The following ARL10 variants were observed in gnomAD, a reference collection of about 807,000 sequenced individuals.
ARL10 encodes ARF like GTPase 10, also known as ADP-ribosylation factor-like protein 10.
A neutral mutation model predicts 26.1 loss-of-function variants in ARL10; 23 were observed. The observed-to-expected ratio is 0.88, with a 90% CI of 0.63 to 1.25. The LOEUF is 1.25. ARL10 is among the 50% of genes most tolerant of loss of function. The pLI is 0.00. For synonymous variants in ARL10, 138 were observed against 149.1 expected (o/e 0.93, Z 0.54); for missense variants, 300 against 323.6 (o/e 0.93, Z 0.56).
At chr5:176,387,191 T>C (rs1487188963) in intron 1 of ARL10, among the ~76,000 whole-genome samples, 2 of 152,122 alleles carry the variant, frequency 1.3e-5, no homozygotes, top group East Asian at 3.9e-4. Flanking sequence ...AGTGATCTCC[T>C]GCCTCAGCCT....
chr5:176,409,404 CCCTTTT>C, the ARL10 span, among the ~76,000 whole-genome samples: 3 of 136,240 alleles, frequency 2.2e-5, no homozygotes, highest in Non-Finnish European at 4.6e-5. Flanking sequence ...GATCTGATTG[CCCTTTT>C]TTTTTTTTTT....
the ARL10 span, chr5:176,410,378 C>T: frequency 1.6e-6 from 2 of 1,283,626 alleles, no homozygotes; most frequent in East Asian, 4.8e-5. Flanking sequence ...TACATTAGCC[C>T]CTCAACCCAA....
At chr5:176,404,703 G>A (rs1345308917), downstream of ARL10, among the ~76,000 whole-genome samples, 1 of 152,200 alleles carries the variant, frequency 6.6e-6, no homozygotes, top group Non-Finnish European at 1.5e-5. Context: ...ACTCTAGTGG[G>A]GGCTATGCAG....
intron 3 of ARL10, 168 bp downstream of exon 3, chr5:176,369,150 T>G (rs1768443236): frequency 6.5e-7 from 1 of 1,534,822 alleles, no homozygotes; most frequent in South Asian, 1.2e-5. Flanking sequence ...TCTTCCTTCC[T>G]CTTTGCCTCC....
rs769993379 is a variant in ARL10, at chr5:176,368,961, C to T, written c.540C>T (p.Val180=). The part of the protein sequence containing the change: ...KLLDKDPDLP[V]VVVANKQDLS... ...TGGACAAGGACCCTGACCTGCCTGT[C>T]GTCGTGGTGGCCAACAAGCAGGTGA... Residue 180 remains valine (V), a synonymous_variant, in exon 3 of 4, where the codon GTC becomes GTT. Transcript: ENST00000310389. This position sits in a 1 kb window ranked among gnomAD's most constrained non-coding sequence, Gnocchi z 4.1. 13 of 1,613,948 alleles carry T rather than the reference C, an allele frequency of 8.1e-6. No homozygotes were observed. In the East Asian group the frequency reaches 1.3e-4, roughly 17 times the overall value.
downstream of ARL10, among the ~76,000 whole-genome samples, chr5:176,382,240 A>C (rs1433026689): frequency 6.6e-6 from 1 of 152,214 alleles, no homozygotes; most frequent in Non-Finnish European, 1.5e-5. Flanking sequence ...CAGGAGCCAC[A>C]ATCACCTGCT....
At position 176,371,289 on chromosome 5, in the gene ARL10, C is replaced by T. The variant is rs949365912; in HGVS notation, c.562-433C>T. 7.9e-5 allele frequency among the ~76,000 whole-genome samples: 12 copies of T among 152,306 alleles called. No individual in the cohort carries two copies. In the South Asian group the frequency reaches 8.3e-4, roughly 11 times the overall value. ...ACTAGGGAGGCTGAAGCAGGAGAAT[C>T]GCTTCAGGATTCCACCACAGGAGGT... On this transcript the variant is annotated intron_variant, in intron 3 of 3. Transcript: ENST00000310389.
intron 1 of ARL10, among the ~76,000 whole-genome samples, chr5:176,399,633 C>T (rs1756714383): frequency 6.6e-6 from 1 of 152,128 alleles, no homozygotes; most frequent in Admixed American, 6.5e-5. Flanking sequence ...GTGGCTCACG[C>T]CTGTAATTCC....
chr5:176,376,615 G>A lies in ARL10; in HGVS notation c.*4720G>A, dbSNP rs1768699926. On this transcript the variant is annotated 3_prime_UTR_variant, in exon 4 of 4. Coordinates refer to ENST00000310389, the MANE Select transcript of ARL10 (RefSeq NM_173664.6). ...GCGGACAGAAAATAGGAAAGAGAGG[G>A]AGAAAGATAAGATTTTTGCGATTGC... 1 of 152,202 alleles carries A rather than the reference G, an allele frequency of 6.6e-6. No individual in the cohort carries two copies. The highest frequency in any genetic ancestry group is 2.1e-4 in the South Asian group (1 of 4,822). The allele number at this position is 152,202 out of a possible 1,614,324, so 9.4% of individuals were successfully genotyped here.
the ARL10 span, among the ~76,000 whole-genome samples, chr5:176,412,526 C>T: frequency 6.7e-4 from 102 of 152,290 alleles, no homozygotes; most frequent in African/African-American, 1.9e-3. Flanking sequence ...ACTGCTGTGC[C>T]TCCTAGCAAA....
Position 176,373,241 on chromosome 5 carries a change from C to G in ARL10, c.*1346C>G, listed in dbSNP as rs1415851199. The G allele has an allele frequency of 2.6e-6, 1 of 391,716 alleles. No homozygotes were observed. Among genetic ancestry groups the G allele is most frequent in the Non-Finnish European group, 4.5e-6 (1 of 222,314 alleles). 24.3% of individuals were successfully genotyped at this position (391,716 alleles called of 1,614,324 possible). On this transcript the variant is annotated 3_prime_UTR_variant, in exon 4 of 4. Transcript: ENST00000310389. ...CTCAGCCTTTCTGGACCCAATTTTT[C>G]CCCAGTGAAAGCCAAGTTGGACTGA... is the stretch of plus-strand genomic sequence containing the variant.
At chr5:176,371,212 T>TAA (rs1319991570) in intron 3 of ARL10, among the ~76,000 whole-genome samples, 5 of 151,930 alleles carry the variant, frequency 3.3e-5, no homozygotes, top group Non-Finnish European at 7.4e-5. Flanking sequence ...CCGTCTCTAC[T>TAA]AAAAATACAA....
chr5:176,371,582 TTCCCGGGG>T, intron 3 of ARL10, 132 bp from the exon 4 acceptor site: 1 of 572,952 alleles, frequency 1.7e-6, no homozygotes, highest in Non-Finnish European at 3.1e-6. Context: ...TTTCCTGATA[TTCCCGGGG>T]ATAGCCTAAG....
At position 176,365,524 on chromosome 5, in the gene ARL10, C is replaced by T; in HGVS notation, c.-40C>T. The stretch of plus-strand genomic sequence containing the variant: ...GCCATCTTCGGCGGGCGAGTGGGCT[C>T]GGCCTGTGCAACCCGCACCTGCGTC... On this transcript the variant is annotated 5_prime_UTR_variant, in exon 1 of 4. Transcript: ENST00000310389. 2 of 1,215,842 alleles carry T rather than the reference C, an allele frequency of 1.6e-6. No individual in the cohort carries two copies. Among genetic ancestry groups the T allele is most frequent in the Non-Finnish European group, 2.0e-6 (2 of 977,258 alleles). The allele number at this position is 1,215,842 out of a possible 1,614,324, so 75.3% of individuals were successfully genotyped here.
chr5:176,365,694 A>G lies in ARL10; in HGVS notation c.131A>G (p.Glu44Gly). The G allele has an allele frequency of 8.1e-7, 1 of 1,241,434 alleles. No homozygotes were observed. Among genetic ancestry groups the G allele is most frequent in the Non-Finnish European group, 1.0e-6 (1 of 991,086 alleles). The allele number at this position is 1,241,434 out of a possible 1,614,324, so 76.9% of individuals were successfully genotyped here. A position where few individuals can be genotyped will look rare whatever the true frequency, so the allele number is the denominator to read the frequency against. ...RGRERRWDRG[E>G]AWWGAEAARL... is the part of the protein sequence containing the mutation. Reference sequence around the variant, plus strand: ...CGAGAGCGGCGCTGGGACCGGGGAGAGGCCTGGTGGGGCGCGGAGGCTGCC... The same window carrying G: ...CGAGAGCGGCGCTGGGACCGGGGAGGGGCCTGGTGGGGCGCGGAGGCTGCC... Residue 44 changes from glutamate (E) to glycine (G), a missense_variant, in exon 1 of 4, where the codon GAG becomes GGG. Transcript: ENST00000310389.
rs762895328 is a variant in ARL10, at chr5:176,366,569, G to A, written c.373G>A (p.Asp125Asn). The change falls in exon 2 of 4, where the codon GAC becomes AAC. Residue 125 changes from aspartate to asparagine, a missense_variant. Coordinates refer to ENST00000310389, the MANE Select transcript of ARL10 (RefSeq NM_173664.6). ...TCTGCCCACCAAGGACTTTGAGGTG[G>A]ACCTGCTAGAAAGTGAGCGGACACC... The part of the protein sequence containing the change: ...VRLPTKDFEV[D>N]LLEIGGSQNL... The A allele has an allele frequency of 1.2e-6, 2 of 1,613,994 alleles. 1 individual carries two copies. Among genetic ancestry groups the A allele is most frequent in the Non-Finnish European group, 1.7e-6 (2 of 1,179,980 alleles).
downstream of ARL10, chr5:176,385,342 G>A: frequency 7.0e-7 from 1 of 1,425,170 alleles, no homozygotes; most frequent in Non-Finnish European, 9.9e-7. Flanking sequence ...AGTGATGAGA[G>A]AAGCGGGGAG....
downstream of ARL10, chr5:176,392,660 G>A (rs1218527453): frequency 6.5e-6 from 8 of 1,227,588 alleles, no homozygotes; most frequent in Non-Finnish European, 9.2e-6. The surrounding 1 kb of genome is among the most constrained non-coding windows in gnomAD (Gnocchi z 5.2). Context: ...AGATGGGGAG[G>A]AGTGGAATAG....
rs1051953408 is a variant in ARL10 at position 176,376,830 on chromosome 5, T to C, written c.*4935T>C. On this transcript the variant is annotated 3_prime_UTR_variant, in exon 4 of 4. Coordinates refer to ENST00000310389, the MANE Select transcript of ARL10 (RefSeq NM_173664.6). ...TCGAAGCCCTGAAGTTTTACCACAG[T>C]GTGGGTAATAGAAGAACTTGGTATT... is the stretch of plus-strand genomic sequence containing the variant. The C allele has an allele frequency of 2.0e-5, 3 of 152,142 alleles. No homozygotes were observed. The highest frequency in any genetic ancestry group is 6.5e-5 in the Admixed American group (1 of 15,272). The allele number at this position is 152,142 out of a possible 1,614,324, so 9.4% of individuals were successfully genotyped here. A position where few individuals can be genotyped will look rare whatever the true frequency, so the allele number is the denominator to read the frequency against.
Sources: gnomAD v4.1 joint callset for allele counts (sites outside exome capture counted in the v4.1 genomes callset) on GRCh38, gnomAD v4.1.1 for gene constraint, Gnocchi (gnomAD v3.1) non-coding constraint, MANE v1.5 for transcripts, NCBI Gene and HGNC (gene_info 2026-07-23, HGNC 2026-07-21) for gene names.